The following SI variants were observed in gnomAD, a reference collection of about 807,000 sequenced individuals.
The protein encoded by SI is sucrase-isomaltase, intestinal.
In SI, 235 loss-of-function variants were observed where a neutral mutation model predicts 253.3. That is an observed-to-expected ratio of 0.93 (90% CI 0.83 to 1.03). The LOEUF is 1.03. SI is among the 50% of genes least tolerant of loss of function. SI has a pLI of 0.00. For synonymous variants in SI, 819 were observed against 712.0 expected (o/e 1.15, Z -2.39); for missense variants, 2,442 against 2,211.1 (o/e 1.10, Z -2.09).
chr3:165,014,688 T>A (rs1718943840), intron 33 of SI, among the ~76,000 whole-genome samples: 1 of 152,144 alleles, frequency 6.6e-6, no homozygotes, highest in Non-Finnish European at 1.5e-5. Flanking sequence ...CTGAATATAC[T>A]TGTTTATATA....
chr3:164,982,456 A>G, intron 46 of SI, 46 bp from the exon 47 acceptor site: 1 of 1,440,276 alleles, frequency 6.9e-7, no homozygotes, highest in Non-Finnish European at 9.7e-7. Flanking sequence ...TATTTGCAAA[A>G]GCAATTAAAA....
intron 26 of SI, among the ~76,000 whole-genome samples, chr3:165,023,164 C>T (rs916958525): frequency 1.5e-4 from 22 of 151,512 alleles, no homozygotes; most frequent in South Asian, 6.2e-4. Context: ...TTAAAAAATG[C>T]TATCTCTAAA....
intron 3 of SI, 128 bp downstream of exon 3, chr3:165,074,403 T>A (rs187455520): frequency 0.011 from 5,873 of 535,274 alleles, 50 homozygotes; most frequent in Non-Finnish European, 0.013. Context: ...GAAGCTATAA[T>A]AAAATGATAA....
chr3:165,031,582 T>C (rs1330717491), intron 24 of SI, among the ~76,000 whole-genome samples: 2 of 150,104 alleles, frequency 1.3e-5, no homozygotes, highest in East Asian at 3.9e-4. Flanking sequence ...AAAAAATAAT[T>C]GACCAGTACA....
chr3:165,071,430 A>G (rs1364353762), intron 3 of SI, among the ~76,000 whole-genome samples: 1 of 151,566 alleles, frequency 6.6e-6, no homozygotes, highest in East Asian at 1.9e-4. Flanking sequence ...AAATAAAGGT[A>G]TAATAAATTT....
At chr3:165,020,095 AC>A (rs1711519701) in intron 27 of SI, among the ~76,000 whole-genome samples, 2 of 151,660 alleles carry the variant, frequency 1.3e-5, no homozygotes, top group Admixed American at 1.3e-4. Context: ...GTAATGTGTG[AC>A]CTAGAAATTA....
At chr3:165,073,432 C>T (rs994472375) in intron 3 of SI, among the ~76,000 whole-genome samples, 2 of 152,016 alleles carry the variant, frequency 1.3e-5, no homozygotes, top group African/African-American at 4.8e-5. Context: ...GGACCTATTA[C>T]TTGTAATGTT....
Position 164,988,905 on chromosome 3 carries a change from C to T in SI, c.5109-1679G>A, listed in dbSNP as rs531729710. Among the ~76,000 whole-genome samples the T allele has an allele frequency of 9.2e-5, 14 of 152,020 alleles. No homozygotes were observed. The South Asian group carries it at 2.7e-3, about 29-fold the overall frequency. The stretch of plus-strand genomic sequence containing the variant: ...GTTCTCAGGCAAATAAGAGAAGGGC[C>T]TGGCCAGACAATCAGTTATAAAAAT... On this transcript the variant is annotated intron_variant, in intron 44 of 47. Transcript: ENST00000264382.
intron 44 of SI, among the ~76,000 whole-genome samples, chr3:164,990,966 T>C (rs1717705839): frequency 6.6e-6 from 1 of 151,792 alleles, no homozygotes; most frequent in African/African-American, 2.4e-5. Flanking sequence ...TTCTTTTGAC[T>C]GTCCAATATA....
At chr3:165,035,178 G>GAGA (rs1447359569) in intron 22 of SI, among the ~76,000 whole-genome samples, 1 of 151,960 alleles carries the variant, frequency 6.6e-6, no homozygotes, top group African/African-American at 2.4e-5. Flanking sequence ...CAAACAAATA[G>GAGA]AGAAGTACAT....
Position 164,987,232 on chromosome 3 carries a change from A to C in SI, c.5109-6T>G. On this transcript the variant is annotated splice_region_variant and splice_polypyrimidine_tract_variant and intron_variant, in intron 44 of 47. Coordinates refer to ENST00000264382, the MANE Select transcript of SI (RefSeq NM_001041.4). ...GCTTCATGTGTTTTTGTCGACTATA[A>C]GAAAGAAATATATAATTTTACCCAT... 1 of 1,608,376 alleles carries C rather than the reference A, an allele frequency of 6.2e-7. No homozygotes were observed. Among genetic ancestry groups the C allele is most frequent in the Non-Finnish European group, 8.5e-7 (1 of 1,175,068 alleles).
rs570344811 is a variant in SI at position 165,064,948 on chromosome 3, C to T, written c.807+313G>A. On this transcript the variant is annotated intron_variant, in intron 7 of 47. Transcript: ENST00000264382. ...AACAGTGTTTGGAATTATTCTAGTG[C>T]AATAGCTAGCTATTGATGGATATAA... Among the ~76,000 whole-genome samples the T allele has an allele frequency of 3.9e-5, 6 of 151,982 alleles. No homozygotes were observed. The South Asian group carries it at 1.2e-3, about 32-fold the overall frequency.
intron 15 of SI, 50 bp downstream of exon 15, chr3:165,049,077 A>T (rs774441079): frequency 9.7e-7 from 1 of 1,031,942 alleles, no homozygotes; most frequent in Non-Finnish European, 1.5e-6. Flanking sequence ...TATCAAAAAC[A>T]TTTTTAAGCA....
intron 25 of SI, among the ~76,000 whole-genome samples, chr3:165,028,880 G>T (rs1559996640): frequency 6.6e-6 from 1 of 150,852 alleles, no homozygotes; most frequent in Non-Finnish European, 1.5e-5. Flanking sequence ...AGGATTTGAT[G>T]ACCAAAAACA....
intron 33 of SI, among the ~76,000 whole-genome samples, chr3:165,014,350 T>C (rs1034785270): frequency 6.6e-6 from 1 of 151,814 alleles, no homozygotes; most frequent in Non-Finnish European, 1.5e-5. Flanking sequence ...CCGGGTTCAC[T>C]CCATTCTCTT....
At chr3:165,004,046 C>A (rs891571621) in intron 37 of SI, among the ~76,000 whole-genome samples, 19 of 152,042 alleles carry the variant, frequency 1.2e-4, no homozygotes, top group African/African-American at 4.3e-4. Context: ...GCAAAATAAT[C>A]ATTTGACAAG....
Position 165,049,226 on chromosome 3 carries a change from A to G in SI, c.1616T>C (p.Met539Thr), listed in dbSNP as rs749835475. Residue 539 changes from methionine (M) to threonine (T), a missense_variant, in exon 15 of 48, where the codon ATG (methionine) becomes ACG (threonine). By Grantham distance (81) the Met-to-Thr change is moderately conservative. Transcript: ENST00000264382. ...PFTPDILDKLMYSKTICMDAV... is the reference protein window; with the variant it reads ...PFTPDILDKLTYSKTICMDAV... ...ATCCATGCAAATTGTTTTGGAATAC[A>G]TGAGTTTGTCAAGAATATCTTTGAG... The G allele has an allele frequency of 6.9e-6, 11 of 1,602,166 alleles. No individual in the cohort carries two copies. Among genetic ancestry groups the G allele is most frequent in the Admixed American group, 6.7e-5 (4 of 59,908 alleles).
At chr3:165,028,661 T>A (rs373514321) in intron 25 of SI, among the ~76,000 whole-genome samples, 1 of 150,168 alleles carries the variant, frequency 6.7e-6, no homozygotes, top group East Asian at 2.1e-4. Context: ...TGATCTTCGA[T>A]AAAGCAGACA....
At chr3:165,058,855 G>GACGTACAC (rs1553777259) in intron 12 of SI, 108 bp downstream of exon 12, 1 of 192,612 alleles carries the variant, frequency 5.2e-6, no homozygotes, top group African/African-American at 7.2e-5. Flanking sequence ...CTTGAAAGCA[G>GACGTACAC]ACATACACAC....
Sources: gnomAD v4.1 joint callset for allele counts (sites outside exome capture counted in the v4.1 genomes callset) on GRCh38, gnomAD v4.1.1 for gene constraint, MANE v1.5 for transcripts, NCBI Gene and HGNC (gene_info 2026-07-23, HGNC 2026-07-21) for gene names.